Variants in SLC9A9 observed in about 807,000 individuals in gnomAD.
The protein encoded by SLC9A9 is solute carrier family 9 member A9.
In SLC9A9, 62 loss-of-function variants were observed where a neutral mutation model predicts 77.8. The ratio of observed to expected loss-of-function variants is 0.80; its 90% CI spans 0.65 to 0.98. The LOEUF (loss-of-function observed/expected upper bound fraction) is 0.98, where lower values mean the gene tolerates loss of function less well. SLC9A9 is among the 50% of genes least tolerant of loss of function. The pLI, the probability that SLC9A9 is intolerant of heterozygous loss-of-function variation, is 0.00. For synonymous variants in SLC9A9, 320 were observed against 283.5 expected (o/e 1.13, Z -1.29); for missense variants, 775 against 774.9 (o/e 1.00, Z 0.00).
intron 11 of SLC9A9, among the ~76,000 whole-genome samples, chr3:143,474,555 G>A (rs1202251843): frequency 6.6e-6 from 1 of 151,918 alleles, no homozygotes; most frequent in Non-Finnish European, 1.5e-5. Flanking sequence ...GGTATGAGAG[G>A]AGAACTCAGC....
intron 6 of SLC9A9, among the ~76,000 whole-genome samples, chr3:143,593,237 T>A (rs913761475): frequency 9.2e-5 from 14 of 151,998 alleles, no homozygotes; most frequent in Admixed American, 4.6e-4. Context: ...TGGCAGAGAG[T>A]GAGGACTGCT....
intron 11 of SLC9A9, among the ~76,000 whole-genome samples, chr3:143,488,265 TCTC>T (rs1453864085): frequency 6.6e-6 from 1 of 151,822 alleles, no homozygotes; most frequent in East Asian, 1.9e-4. Context: ...TAATCAAAAA[TCTC>T]CTCACAAAGA....
chr3:143,838,925 T>C (rs2009639365), intron 1 of SLC9A9, among the ~76,000 whole-genome samples: 2 of 152,268 alleles, frequency 1.3e-5, no homozygotes, highest in Admixed American at 1.3e-4. Flanking sequence ...TTTTATTTGA[T>C]ATTTATCCCT....
chr3:143,715,508 A>G (rs1362306478), intron 4 of SLC9A9, among the ~76,000 whole-genome samples: 1 of 152,216 alleles, frequency 6.6e-6, no homozygotes, highest in East Asian at 1.9e-4. Flanking sequence ...TAATGCCTAT[A>G]CTTTCATAGC....
At chr3:143,375,021 G>C (rs904820175) in intron 13 of SLC9A9, among the ~76,000 whole-genome samples, 1 of 151,974 alleles carries the variant, frequency 6.6e-6, no homozygotes, top group Non-Finnish European at 1.5e-5. Context: ...ATCAGTAACT[G>C]ATAAAATAAG....
At chr3:143,747,139 C>T (rs1026736105) in intron 4 of SLC9A9, among the ~76,000 whole-genome samples, 1 of 152,148 alleles carries the variant, frequency 6.6e-6, no homozygotes, top group African/African-American at 2.4e-5. Flanking sequence ...GGCAGGGTGG[C>T]TCACGCCTGC....
At chr3:143,275,850 A>T (rs1412339377) in intron 14 of SLC9A9, among the ~76,000 whole-genome samples, 1 of 152,064 alleles carries the variant, frequency 6.6e-6, no homozygotes, top group Non-Finnish European at 1.5e-5. Context: ...ATAGGAACTG[A>T]CCTCTATTCG....
chr3:143,823,485 A>G (rs901492561), intron 2 of SLC9A9, among the ~76,000 whole-genome samples: 1 of 152,150 alleles, frequency 6.6e-6, no homozygotes, highest in African/African-American at 2.4e-5. Context: ...CTGGTGCCGC[A>G]AGACTCAGAA....
intron 4 of SLC9A9, among the ~76,000 whole-genome samples, chr3:143,786,206 G>A (rs931705868): frequency 6.6e-6 from 1 of 152,178 alleles, no homozygotes; most frequent in Non-Finnish European, 1.5e-5. Context: ...CCTTAGGATA[G>A]GTTGTTTAAT....
chr3:143,325,662 C>G (rs2031573186), intron 14 of SLC9A9, among the ~76,000 whole-genome samples: 1 of 152,210 alleles, frequency 6.6e-6, no homozygotes, highest in South Asian at 2.1e-4. Context: ...GTGGCCAGTT[C>G]CACAGGACAT....
At chr3:143,806,763 T>A (rs2008727900) in intron 2 of SLC9A9, among the ~76,000 whole-genome samples, 1 of 151,110 alleles carries the variant, frequency 6.6e-6, no homozygotes, top group Non-Finnish European at 1.5e-5. Context: ...GGATTGTGAA[T>A]GGGCACAAAA....
rs1196209395 is a variant in SLC9A9 at position 143,560,608 on chromosome 3, T to TTTTAA, written c.1001-8159_1001-8158insTTAAA. ...GAAAATCTGAGAGGTTTTAAATTTT[T>TTTTAA]TTTACTTTACTTTAAAATTATTTCC... On this transcript the variant is annotated intron_variant, in intron 8 of 15. Transcript: ENST00000316549. Among the ~76,000 whole-genome samples the TTTTAA allele has an allele frequency of 5.3e-5, 8 of 152,270 alleles. No homozygotes were observed. In the East Asian group the frequency reaches 1.3e-3, roughly 26 times the overall value.
chr3:143,664,414 GCAT>G (rs2039029245), intron 5 of SLC9A9, among the ~76,000 whole-genome samples: 1 of 152,194 alleles, frequency 6.6e-6, no homozygotes, highest in Admixed American at 6.5e-5. Flanking sequence ...GGAAGAAACT[GCAT>G]CAACTAATGG....
rs1481763201 is a variant in SLC9A9, at chr3:143,652,314, C to G, written c.696G>C (p.Leu232=). Residue 232 remains leucine (L), a synonymous_variant, in exon 6 of 16, where the codon CTG becomes CTC. Transcript: ENST00000316549. ...CACTCTCTCCAAACAAGAGTGTGTA[C>G]AGGTCAGGGTCGACGTGCAGTTCAT... is the stretch of plus-strand genomic sequence containing the variant. ...IFHELHVDPD[L]YTLLFGESVL... The G allele has an allele frequency of 1.2e-6, 2 of 1,613,358 alleles. No individual in the cohort carries two copies. The highest frequency in any genetic ancestry group is 2.2e-5 in the South Asian group (2 of 90,890).
At chr3:143,430,245 C>G (rs191483164) in intron 12 of SLC9A9, among the ~76,000 whole-genome samples, 2 of 152,268 alleles carry the variant, frequency 1.3e-5, no homozygotes, top group Admixed American at 6.5e-5. Flanking sequence ...TTTGCTGACT[C>G]CCAGTGGGGC....
chr3:143,805,375 C>T (rs1027498264), intron 2 of SLC9A9, among the ~76,000 whole-genome samples: 5 of 152,058 alleles, frequency 3.3e-5, no homozygotes, highest in Non-Finnish European at 5.9e-5. Flanking sequence ...TGAGAAACAT[C>T]GCCCATTATC....
chr3:143,420,020 T>C (rs1262179061), intron 12 of SLC9A9, among the ~76,000 whole-genome samples: 8 of 152,180 alleles, frequency 5.3e-5, no homozygotes, highest in Admixed American at 4.6e-4. Flanking sequence ...TTTGTCTCTT[T>C]GTCTAAATGG....
At chr3:143,548,327 A>T (rs946519068) in intron 9 of SLC9A9, among the ~76,000 whole-genome samples, 1 of 151,898 alleles carries the variant, frequency 6.6e-6, no homozygotes, top group African/African-American at 2.4e-5. Flanking sequence ...ATGTGGGAGG[A>T]AAGGGGTAGG....
At chr3:143,750,736 TATA>T (rs2006679653) in intron 4 of SLC9A9, among the ~76,000 whole-genome samples, 1 of 34,762 alleles carries the variant, frequency 2.9e-5, no homozygotes, top group Admixed American at 3.9e-4. Flanking sequence ...TATATATCTA[TATA>T]TATATATATA....
Sources: allele counts gnomAD v4.1 joint callset (sites outside exome capture counted in the v4.1 genomes callset), GRCh38; gene constraint gnomAD v4.1.1; transcripts MANE v1.5; gene names NCBI Gene and HGNC (gene_info 2026-07-23, HGNC 2026-07-21).